The following SIK3 variants were observed in gnomAD, a reference collection of about 807,000 sequenced individuals.
The protein encoded by SIK3 is serine/threonine-protein kinase SIK3.
Under a neutral mutation model 144.2 loss-of-function variants are expected in SIK3, and 28 were observed. That is an observed-to-expected ratio of 0.19 (90% CI 0.14 to 0.27). SIK3 has a LOEUF of 0.27. Ranked by LOEUF, SIK3 falls within the 10% of genes least tolerant of loss-of-function variation. The pLI is 1.00. For synonymous variants in SIK3, 686 were observed against 676.3 expected (o/e 1.01, Z -0.22); for missense variants, 1,319 against 1,776.0 (o/e 0.74, Z 4.62).
chr11:116,895,359 TA>T (rs1452259055), intron 6 of SIK3, among the ~76,000 whole-genome samples: 2 of 152,170 alleles, frequency 1.3e-5, no homozygotes, highest in South Asian at 2.1e-4. Flanking sequence ...TCATGTAACT[TA>T]CCAACCACTA....
At chr11:116,927,591 T>C (rs1453207369) in intron 3 of SIK3, among the ~76,000 whole-genome samples, 6 of 152,242 alleles carry the variant, frequency 3.9e-5, no homozygotes, top group Non-Finnish European at 8.8e-5. Context: ...AATCCTGTTA[T>C]ACAAAAGTAT....
At chr11:116,884,533 G>T (rs1034441204) in intron 6 of SIK3, among the ~76,000 whole-genome samples, 2 of 151,972 alleles carry the variant, frequency 1.3e-5, no homozygotes. Flanking sequence ...CTAATTTTTT[G>T]TATTTTTAGT....
At chr11:116,935,193 A>G (rs1947848174) in intron 3 of SIK3, among the ~76,000 whole-genome samples, 1 of 152,112 alleles carries the variant, frequency 6.6e-6, no homozygotes, top group Admixed American at 6.5e-5. Context: ...GGCTGCAGTG[A>G]GCTATGAGCA....
At chr11:117,059,512 A>G (rs1953702190) in intron 1 of SIK3, among the ~76,000 whole-genome samples, 2 of 152,220 alleles carry the variant, frequency 1.3e-5, no homozygotes. Context: ...CTTGATGATT[A>G]TTTGTCACAA....
At chr11:116,855,083 CAAAAAAAAAAA>C (rs528405922) in intron 21 of SIK3, among the ~76,000 whole-genome samples, 6,992 of 82,150 alleles carry the variant, frequency 0.085, 288 homozygotes, top group Middle Eastern at 0.21. Flanking sequence ...GAGACTCTGC[CAAAAAAAAAAA>C]AAAAAAAAAA....
intron 6 of SIK3, among the ~76,000 whole-genome samples, chr11:116,882,439 C>G (rs1448558950): frequency 1.3e-5 from 2 of 152,184 alleles, no homozygotes; most frequent in Non-Finnish European, 2.9e-5. Context: ...TCATCAGACT[C>G]TTCAGGCTGA....
chr11:117,002,969 C>G (rs1950907431), intron 1 of SIK3, among the ~76,000 whole-genome samples: 2 of 152,174 alleles, frequency 1.3e-5, no homozygotes, highest in African/African-American at 4.8e-5. Flanking sequence ...CTGATGAAGT[C>G]CGGATTTGCC....
intron 1 of SIK3, among the ~76,000 whole-genome samples, chr11:117,064,938 A>G (rs1953942948): frequency 6.6e-6 from 1 of 152,132 alleles, no homozygotes; most frequent in Non-Finnish European, 1.5e-5. Flanking sequence ...TCACGAGGTC[A>G]GGAGTTCAAA....
chr11:117,077,089 G>A (rs1954581032), intron 1 of SIK3, among the ~76,000 whole-genome samples: 1 of 152,202 alleles, frequency 6.6e-6, no homozygotes, highest in Non-Finnish European at 1.5e-5. Context: ...CCAGGAGTTT[G>A]AGGTGACTGT....
At chr11:117,032,204 A>G (rs1194254410) in intron 1 of SIK3, among the ~76,000 whole-genome samples, 1 of 152,178 alleles carries the variant, frequency 6.6e-6, no homozygotes, top group African/African-American at 2.4e-5. Flanking sequence ...TCTACAAAAA[A>G]TCTTCCTGGG....
At chr11:116,988,693 C>T (rs1009660617) in intron 1 of SIK3, among the ~76,000 whole-genome samples, 1 of 151,820 alleles carries the variant, frequency 6.6e-6, no homozygotes, top group African/African-American at 2.4e-5. Context: ...ACTTGGGAGG[C>T]TGAGGTGGAA....
At chr11:116,871,605 T>C (rs1452102699) in intron 13 of SIK3, among the ~76,000 whole-genome samples, 1 of 152,182 alleles carries the variant, frequency 6.6e-6, no homozygotes, top group Non-Finnish European at 1.5e-5. Context: ...TCAGGGGACA[T>C]GACTGGAAGC....
At chr11:117,087,303 C>T (rs886908531) in intron 1 of SIK3, among the ~76,000 whole-genome samples, 15 of 151,774 alleles carry the variant, frequency 9.9e-5, no homozygotes, top group Admixed American at 4.6e-4. Context: ...ATTAGCCAGG[C>T]GTGGCTATGG....
In SIK3 at chr11:116,910,829, C is replaced by CA. The variant is rs947583051; in HGVS notation, c.617-13513dup. Among the ~76,000 whole-genome samples, 157 of 151,716 alleles carry CA rather than the reference C, an allele frequency of 1.0e-3. 1 individual carries two copies. In the East Asian group the frequency reaches 0.02, roughly 20 times the overall value. On this transcript the variant is annotated intron_variant, in intron 4 of 24. Transcript: ENST00000445177. ...AAGTGAAAAACAAGAACAACAACAACAAAAAAAACACAGAAACTTAAGGCA... is the reference window on the plus strand; with the variant it reads ...AAGTGAAAAACAAGAACAACAACAACAAAAAAAAACACAGAAACTTAAGGCA...
chr11:117,033,164 G>C (rs1295664756), intron 1 of SIK3, among the ~76,000 whole-genome samples: 1 of 151,980 alleles, frequency 6.6e-6, no homozygotes, highest in Admixed American at 6.6e-5. Context: ...CTTTAAACTC[G>C]GGACCGTATA....
intron 3 of SIK3, among the ~76,000 whole-genome samples, chr11:116,939,320 G>T (rs1337022620): frequency 6.6e-6 from 1 of 152,116 alleles, no homozygotes; most frequent in Non-Finnish European, 1.5e-5. Context: ...GTTAATTTTT[G>T]TATTTTCAAT....
chr11:116,963,674 T>TATGTA (rs1949427318), intron 1 of SIK3, among the ~76,000 whole-genome samples: 1 of 152,164 alleles, frequency 6.6e-6, no homozygotes, highest in South Asian at 2.1e-4. Flanking sequence ...AGCATCACTG[T>TATGTA]ATGTAATGAA....
intron 1 of SIK3, among the ~76,000 whole-genome samples, chr11:117,054,284 G>C (rs760685048): frequency 7.9e-5 from 12 of 152,230 alleles, no homozygotes; most frequent in Non-Finnish European, 1.6e-4. Context: ...GGCAGGTACA[G>C]CAACAGCAGG....
chr11:117,070,443 CTT>C lies in SIK3; in HGVS notation c.273+27698_273+27699del, dbSNP rs34756068. 7.2e-3 allele frequency among the ~76,000 whole-genome samples: 1,051 copies of C among 146,734 alleles called. 13 individuals are homozygous for C. Among genetic ancestry groups the C allele is most frequent in the African/African-American group, 0.024 (978 of 40,012 alleles). Reference sequence around the variant, plus strand: ...TCCAGCCTGGATGACTGAACAATACCTTTTTTTTTTTTTCTTTTTTGAGACAG... The same window carrying C: ...TCCAGCCTGGATGACTGAACAATACCTTTTTTTTTTTCTTTTTTGAGACAG... On this transcript the variant is annotated intron_variant, in intron 1 of 24. Coordinates refer to ENST00000445177, the MANE Select transcript of SIK3 (RefSeq NM_001366686.3).
Sources: allele counts gnomAD v4.1 joint callset (sites outside exome capture counted in the v4.1 genomes callset), GRCh38; gene constraint gnomAD v4.1.1; transcripts MANE v1.5; gene names NCBI Gene and HGNC (gene_info 2026-07-23, HGNC 2026-07-21).